The following NCAM1 variants were observed in gnomAD, a reference collection of about 807,000 sequenced individuals.
The protein encoded by NCAM1 is neural cell adhesion molecule 1.
Under a neutral mutation model 109.8 loss-of-function variants are expected in NCAM1, and 14 were observed. The ratio of observed to expected loss-of-function variants is 0.13; its 90% CI spans 0.08 to 0.20. NCAM1 has a LOEUF of 0.20. Ranked by LOEUF, NCAM1 falls within the 10% of genes least tolerant of loss-of-function variation. The probability of loss-of-function intolerance (pLI) is 1.00; values close to 1 mark genes in which losing one functional copy is unlikely to be tolerated. For synonymous variants in NCAM1, 418 were observed against 442.9 expected (o/e 0.94, Z 0.70); for missense variants, 774 against 1,109.9 (o/e 0.70, Z 4.30).
chr11:113,251,516 T>C (rs2137521248), intron 15 of NCAM1, among the ~76,000 whole-genome samples: 1 of 152,340 alleles, frequency 6.6e-6, no homozygotes, highest in Admixed American at 6.5e-5. Flanking sequence ...CTTGGGTTCA[T>C]GATTCACATC....
intron 1 of NCAM1, among the ~76,000 whole-genome samples, chr11:113,091,971 G>A (rs140148429): frequency 6.6e-6 from 1 of 152,128 alleles, no homozygotes; most frequent in East Asian, 1.9e-4. Flanking sequence ...AGTAAAGATT[G>A]AGTTCTACTC....
rs17115214 is a variant in NCAM1 at position 113,235,058 on chromosome 11, C to T, written c.1719C>T (p.Ile573=). ...CCAGCATGGAGGGCATCGTCACCAT[C>T]GTGGGCCTGAAGCCCGAAACAACGT... ...KEASMEGIVT[I]VGLKPETTYA... The change falls in exon 14 of 20, where the codon ATC becomes ATT. Residue 573 remains isoleucine (I), a synonymous_variant. Coordinates refer to ENST00000316851, the MANE Select transcript of NCAM1 (RefSeq NM_181351.5). 3.9e-4 allele frequency: 606 copies of T among 1,567,900 alleles called. 1 individual carries two copies. The highest frequency in any genetic ancestry group is 7.2e-4 in the East Asian group (30 of 41,896).
chr11:113,232,627 G>C, intron 11 of NCAM1, 91 bp from the exon 12 acceptor site: 1 of 1,110,940 alleles, frequency 9.0e-7, no homozygotes, highest in African/African-American at 1.6e-5. Context: ...TACTAGTTCT[G>C]TTTTTTACTA....
At chr11:113,218,527 A>G (rs662912) in intron 8 of NCAM1, among the ~76,000 whole-genome samples, 74,313 of 152,118 alleles carry the variant, frequency 0.49, 19,225 homozygotes, top group East Asian at 0.73. Context: ...TATAGTTACT[A>G]ACTTTCTAAT....
chr11:113,063,106 G>A (rs1248200229), intron 1 of NCAM1, among the ~76,000 whole-genome samples: 12 of 152,250 alleles, frequency 7.9e-5, no homozygotes, highest in Admixed American at 7.8e-4. Flanking sequence ...GAAGCAGCCG[G>A]AGGGACCAGA....
At chr11:113,221,794 C>G (rs1331730010) in intron 9 of NCAM1, 2 of 154,756 alleles carry the variant, frequency 1.3e-5, no homozygotes, top group Non-Finnish European at 2.9e-5. Context: ...TAAATTATCA[C>G]ATCACGTTTC....
intron 1 of NCAM1, among the ~76,000 whole-genome samples, chr11:113,072,440 A>T (rs1938316263): frequency 2.0e-5 from 3 of 152,200 alleles, no homozygotes. Flanking sequence ...AACAGTGAAG[A>T]CAGAGCATTT....
At chr11:113,004,779 C>A (rs1036093727) in intron 1 of NCAM1, among the ~76,000 whole-genome samples, 3 of 151,710 alleles carry the variant, frequency 2.0e-5, no homozygotes, top group Non-Finnish European at 4.4e-5. Context: ...AGTCTGAAAC[C>A]CCAAACCCTC....
intron 1 of NCAM1, among the ~76,000 whole-genome samples, chr11:113,149,112 C>T (rs1485317011): frequency 2.0e-5 from 3 of 152,188 alleles, no homozygotes; most frequent in African/African-American, 7.2e-5. Context: ...GACCAAGCAT[C>T]CTGAAAGTCG....
At chr11:113,197,218 TG>T in intron 1 of NCAM1, 2 of 257,848 alleles carry the variant, frequency 7.8e-6, no homozygotes, top group South Asian at 3.7e-5. Context: ...GAGATTTGGG[TG>T]GGGACACAGA....
At chr11:113,137,926 A>G (rs782791171) in intron 1 of NCAM1, among the ~76,000 whole-genome samples, 2 of 152,202 alleles carry the variant, frequency 1.3e-5, no homozygotes, top group African/African-American at 2.4e-5. Flanking sequence ...GAGGGGCAAG[A>G]CAGAAATGCA....
chr11:112,988,980 T>A (rs1555070146), intron 1 of NCAM1, among the ~76,000 whole-genome samples: 2 of 152,144 alleles, frequency 1.3e-5, no homozygotes. Context: ...ATTCCTGGCC[T>A]CAAGTGATAT....
intron 1 of NCAM1, among the ~76,000 whole-genome samples, chr11:112,971,510 G>A (rs188449101): frequency 2.6e-5 from 4 of 151,864 alleles, no homozygotes; most frequent in Admixed American, 6.5e-5. Context: ...TTAACGACAG[G>A]GTGTGAAAAA....
chr11:113,122,971 G>A (rs1555096375), intron 1 of NCAM1, among the ~76,000 whole-genome samples: 1 of 152,124 alleles, frequency 6.6e-6, no homozygotes, highest in African/African-American at 2.4e-5. Context: ...GACAAATATT[G>A]TATGTTCTCA....
At chr11:113,265,917 C>G (rs1177637754) in intron 17 of NCAM1, among the ~76,000 whole-genome samples, 2 of 152,208 alleles carry the variant, frequency 1.3e-5, no homozygotes, top group African/African-American at 4.8e-5. Context: ...ATTCTTGGAG[C>G]AAGCCAGTTC....
chr11:113,232,849 A>G, intron 12 of NCAM1, 35 bp downstream of exon 12: 1 of 1,550,784 alleles, frequency 6.4e-7, no homozygotes, highest in Non-Finnish European at 8.9e-7. Flanking sequence ...AGCAGCTGCC[A>G]CAACCCCCCA....
chr11:112,969,345 G>C (rs782341769), intron 1 of NCAM1, among the ~76,000 whole-genome samples: 1 of 152,154 alleles, frequency 6.6e-6, no homozygotes, highest in Non-Finnish European at 1.5e-5. Context: ...GTGGAGCTGG[G>C]ACTGCAACTT....
At chr11:113,256,412 A>G (rs534322631) in intron 16 of NCAM1, among the ~76,000 whole-genome samples, 1 of 152,234 alleles carries the variant, frequency 6.6e-6, no homozygotes, top group Non-Finnish European at 1.5e-5. Flanking sequence ...TTTTCTCTGC[A>G]CAAGAACCCT....
At chr11:112,991,453 A>G (rs1951454196) in intron 1 of NCAM1, among the ~76,000 whole-genome samples, 2 of 152,180 alleles carry the variant, frequency 1.3e-5, no homozygotes, top group Non-Finnish European at 2.9e-5. Flanking sequence ...TGAACTGATT[A>G]CATCCACTAA....
Sources: gnomAD v4.1 joint callset for allele counts (sites outside exome capture counted in the v4.1 genomes callset) on GRCh38, gnomAD v4.1.1 for gene constraint, MANE v1.5 for transcripts, NCBI Gene and HGNC (gene_info 2026-07-23, HGNC 2026-07-21) for gene names.